C1D: variants seen among roughly 807,000 people sequenced by gnomAD.
The protein encoded by C1D is nuclear nucleic acid-binding protein C1D.
In C1D, 10 loss-of-function variants were observed where a neutral mutation model predicts 17.5. That is an observed-to-expected ratio of 0.57 (90% CI 0.35 to 0.97). The LOEUF (loss-of-function observed/expected upper bound fraction) is 0.97. Ranked by LOEUF, C1D falls within the 50% of genes least tolerant of loss-of-function variation. C1D has a pLI of 0.01. For missense variants in C1D, 136 were observed against 160.1 expected (o/e 0.85, Z 0.81); for synonymous variants, 49 against 54.0 (o/e 0.91, Z 0.40).
At chr2:68,061,891 G>A (rs932572734) in intron 1 of C1D, among the ~76,000 whole-genome samples, 1 of 152,176 alleles carries the variant, frequency 6.6e-6, no homozygotes, top group Non-Finnish European at 1.5e-5. Context: ...AGTATCTTTT[G>A]ACTGAGAATT....
intron 1 of C1D, among the ~76,000 whole-genome samples, chr2:68,059,791 G>GCC (rs1181888090): frequency 1.3e-5 from 2 of 152,072 alleles, no homozygotes; most frequent in Non-Finnish European, 2.9e-5. Context: ...TTGTTAAAAT[G>GCC]CCTAAGGACT....
chr2:68,045,922 G>A, intron 4 of C1D, 66 bp downstream of exon 4: 1 of 1,053,086 alleles, frequency 9.5e-7, no homozygotes, highest in Non-Finnish European at 1.4e-6. Context: ...GTGTGACAAA[G>A]GTAGTGTGAC....
intron 1 of C1D, among the ~76,000 whole-genome samples, chr2:68,056,925 C>T (rs1022483023): frequency 1.3e-5 from 2 of 152,048 alleles, no homozygotes; most frequent in African/African-American, 2.4e-5. Flanking sequence ...TATATTTTAG[C>T]GCAAGATAAT....
intron 1 of C1D, among the ~76,000 whole-genome samples, chr2:68,059,991 C>T (rs536504496): frequency 6.6e-6 from 1 of 152,268 alleles, no homozygotes; most frequent in South Asian, 2.1e-4. Flanking sequence ...GACTAACAGA[C>T]ATCAAAAACT....
chr2:68,062,000 T>C (rs914463275), intron 1 of C1D, among the ~76,000 whole-genome samples: 2 of 152,238 alleles, frequency 1.3e-5, no homozygotes, highest in African/African-American at 4.8e-5. Context: ...TGTACTTCAA[T>C]AGGGCTAATC....
rs1454583102 is a variant in C1D, at chr2:68,041,889, T to C, written c.*1000A>G. The C allele has an allele frequency of 6.6e-6, 1 of 152,074 alleles. No individual in the cohort carries two copies. Among genetic ancestry groups the C allele is most frequent in the Non-Finnish European group, 1.5e-5 (1 of 67,922 alleles). The allele number at this position is 152,074 out of a possible 1,614,324, so 9.4% of individuals were successfully genotyped here. On this transcript the variant is annotated 3_prime_UTR_variant, in exon 5 of 5. Transcript: ENST00000410067. ...TAGACATTTAAAAAAAGGTTTACTA[T>C]GTAGTACTCTCTGTAACTAATATTC...
At chr2:68,044,867 T>C (rs369524631) in intron 4 of C1D, among the ~76,000 whole-genome samples, 63 of 152,318 alleles carry the variant, frequency 4.1e-4, no homozygotes, top group African/African-American at 1.4e-3. Flanking sequence ...GTATCAAGTA[T>C]TCCAAATAAC....
At chr2:68,043,199 G>A (rs1671020340) in intron 4 of C1D, 146 bp from the exon 5 acceptor site, 2 of 573,972 alleles carry the variant, frequency 3.5e-6, no homozygotes, top group Non-Finnish European at 5.9e-6. Flanking sequence ...AAATGAATAG[G>A]ATAAATACGC....
At chr2:68,054,978 TTA>T (rs1558584688) in intron 1 of C1D, among the ~76,000 whole-genome samples, 1 of 139,588 alleles carries the variant, frequency 7.2e-6, no homozygotes, top group Non-Finnish European at 1.5e-5. Context: ...TCTTTTTTTT[TTA>T]AAAAAAAAAA....
At chr2:68,045,258 T>C (rs888492041) in intron 4 of C1D, among the ~76,000 whole-genome samples, 3 of 152,198 alleles carry the variant, frequency 2.0e-5, no homozygotes, top group African/African-American at 7.2e-5. Flanking sequence ...TTCATATCTA[T>C]ATTTGCCTTA....
intron 4 of C1D, among the ~76,000 whole-genome samples, chr2:68,045,747 G>T (rs1471779089): frequency 2.0e-5 from 3 of 151,604 alleles, no homozygotes; most frequent in Non-Finnish European, 4.4e-5. Flanking sequence ...AAAATAATAT[G>T]TAAGTTATAA....
rs370632165 is a variant in C1D, at chr2:68,049,092, G to A, written c.-9-1773C>T. Reference sequence around the variant, plus strand: ...CACGCCTGTAATCCCAGCTACTTGGGAGTCTGAGGCAGGAGAACTGCTTGA... The same window carrying A: ...CACGCCTGTAATCCCAGCTACTTGGAAGTCTGAGGCAGGAGAACTGCTTGA... On this transcript the variant is annotated intron_variant, in intron 1 of 4. Transcript: ENST00000410067. Among the ~76,000 whole-genome samples the A allele has an allele frequency of 5.3e-5, 8 of 152,080 alleles. No individual in the cohort carries two copies. The South Asian group carries it at 8.3e-4, about 16-fold the overall frequency.
chr2:68,053,266 G>C, intron 1 of C1D: 1 of 1,480,840 alleles, frequency 6.8e-7, no homozygotes, highest in Non-Finnish European at 9.0e-7. Flanking sequence ...AGATGTTACT[G>C]CCACTCAGTC....
At position 68,047,864 on chromosome 2, in the gene C1D, C is replaced by T. The variant is rs114732210; in HGVS notation, c.-9-545G>A. ...CAATTAAAGTTTGATAAATAGATCCCCTAATGATTGCTGAAGAAATGGTAA... is the reference window on the plus strand; with the variant it reads ...CAATTAAAGTTTGATAAATAGATCCTCTAATGATTGCTGAAGAAATGGTAA... On this transcript the variant is annotated intron_variant, in intron 1 of 4. Coordinates refer to ENST00000410067, the MANE Select transcript of C1D (RefSeq NM_173177.3). 8.9e-3 allele frequency among the ~76,000 whole-genome samples: 1,361 copies of T among 152,158 alleles called. 13 individuals carry two copies. Among genetic ancestry groups the T allele is most frequent in the African/African-American group, 0.031 (1,296 of 41,496 alleles).
Position 68,049,785 on chromosome 2 carries a change from C to T in C1D, c.-9-2466G>A, listed in dbSNP as rs959206197. On this transcript the variant is annotated intron_variant, in intron 1 of 4. Coordinates refer to ENST00000410067, the MANE Select transcript of C1D (RefSeq NM_173177.3). Reference sequence around the variant, plus strand: ...ATTAGATTATATCAAATATTTACATCATCTAAATGAAACCCAAATGCTATA... The same window carrying T: ...ATTAGATTATATCAAATATTTACATTATCTAAATGAAACCCAAATGCTATA... Among the ~76,000 whole-genome samples, 11 of 152,262 alleles carry T rather than the reference C, an allele frequency of 7.2e-5. 1 individual carries two copies. Among genetic ancestry groups the T allele is most frequent in the Admixed American group, 7.2e-4 (11 of 15,294 alleles).
chr2:68,060,440 G>C (rs991721038), intron 1 of C1D, among the ~76,000 whole-genome samples: 2 of 152,160 alleles, frequency 1.3e-5, no homozygotes, highest in African/African-American at 4.8e-5. Context: ...TCAGGGGTTC[G>C]AGACCAGCCT....
intron 1 of C1D, among the ~76,000 whole-genome samples, chr2:68,048,748 A>C (rs1217176448): frequency 6.6e-6 from 1 of 152,208 alleles, no homozygotes; most frequent in Non-Finnish European, 1.5e-5. Flanking sequence ...TTCCAATTTC[A>C]AAAGGTTAAC....
intron 1 of C1D, among the ~76,000 whole-genome samples, chr2:68,059,042 T>C (rs1671543448): frequency 6.6e-6 from 1 of 152,186 alleles, no homozygotes; most frequent in African/African-American, 2.4e-5. Context: ...GGGTAATTTA[T>C]AAAGAAAAGA....
chr2:68,047,116 T>C, intron 2 of C1D, 57 bp downstream of exon 2: 2 of 1,485,002 alleles, frequency 1.3e-6, no homozygotes, highest in South Asian at 1.3e-5. Flanking sequence ...ACATGTTTCA[T>C]AAAATAGCAT....
Sources: allele counts gnomAD v4.1 joint callset (sites outside exome capture counted in the v4.1 genomes callset), GRCh38; gene constraint gnomAD v4.1.1; transcripts MANE v1.5; gene names NCBI Gene and HGNC (gene_info 2026-07-23, HGNC 2026-07-21).